Variants in TMEM132D observed in about 807,000 individuals in gnomAD.
TMEM132D encodes transmembrane protein 132D.
Under a neutral mutation model 62.3 loss-of-function variants are expected in TMEM132D, and 21 were observed. The ratio of observed to expected loss-of-function variants is 0.34; its 90% CI spans 0.24 to 0.49. The LOEUF is 0.49. TMEM132D is among the 20% of genes least tolerant of loss of function. The probability of loss-of-function intolerance (pLI) is 0.99; values close to 1 mark genes in which losing one functional copy is unlikely to be tolerated. For synonymous variants in TMEM132D, 621 were observed against 575.6 expected, an observed-to-expected ratio of 1.08 and a Z score of -1.13; for missense variants, 1,346 against 1,402.8, an observed-to-expected ratio of 0.96 and a Z score of 0.65.
chr12:129,389,417 TAAC>T lies in TMEM132D; in HGVS notation c.1116-51603_1116-51601del, dbSNP rs540660832. On this transcript the variant is annotated intron_variant, in intron 3 of 8. Transcript: ENST00000422113. ...CTAAGTGGAACACCCACATCAATACTAACAACAATACCAACACTAACACCAATC... is the reference window on the plus strand; with the variant it reads ...CTAAGTGGAACACCCACATCAATACTAACAATACCAACACTAACACCAATC... Among the ~76,000 whole-genome samples, 280 of 151,848 alleles carry T rather than the reference TAAC, an allele frequency of 1.8e-3. 2 individuals are homozygous for T. The highest frequency in any genetic ancestry group is 6.5e-3 in the African/African-American group (268 of 41,378).
intron 2 of TMEM132D, among the ~76,000 whole-genome samples, chr12:129,647,400 C>T (rs532737964): frequency 1.1e-4 from 17 of 152,128 alleles, no homozygotes; most frequent in South Asian, 2.1e-4. Context: ...GCCTTCCTCA[C>T]GACAATCAGT....
intron 3 of TMEM132D, among the ~76,000 whole-genome samples, chr12:129,502,321 G>T (rs1230568838): frequency 1.3e-5 from 2 of 152,074 alleles, no homozygotes; most frequent in Non-Finnish European, 2.9e-5. Flanking sequence ...CTTAATCCAA[G>T]TTCGCTACCA....
intron 5 of TMEM132D, among the ~76,000 whole-genome samples, chr12:129,182,501 A>T (rs1384487501): frequency 6.6e-6 from 1 of 152,242 alleles, no homozygotes; most frequent in East Asian, 1.9e-4. Context: ...AGACAGACTC[A>T]GGAAGAGTGG....
intron 1 of TMEM132D, among the ~76,000 whole-genome samples, chr12:129,798,118 C>T (rs751346416): frequency 4.6e-5 from 7 of 152,214 alleles, no homozygotes; most frequent in Non-Finnish European, 8.8e-5. Context: ...CCATTCCCCT[C>T]CTGCCATGAC....
At chr12:129,117,810 G>A (rs763969008) in intron 5 of TMEM132D, among the ~76,000 whole-genome samples, 4 of 152,088 alleles carry the variant, frequency 2.6e-5, no homozygotes, top group South Asian at 2.1e-4. Flanking sequence ...CATATTTTAC[G>A]AATGTTTCAT....
At chr12:129,544,684 T>C (rs974379705) in intron 2 of TMEM132D, among the ~76,000 whole-genome samples, 1 of 151,878 alleles carries the variant, frequency 6.6e-6, no homozygotes, top group Non-Finnish European at 1.5e-5. Context: ...TTTTTAAAGA[T>C]AACTTTTCAG....
chr12:129,351,299 C>T (rs910888946), intron 3 of TMEM132D, among the ~76,000 whole-genome samples: 4 of 152,304 alleles, frequency 2.6e-5, no homozygotes, highest in South Asian at 2.1e-4. Context: ...GTGACAAAAA[C>T]GGGCATCTCA....
chr12:129,369,415 G>T (rs1338326076), intron 3 of TMEM132D, among the ~76,000 whole-genome samples: 2 of 151,784 alleles, frequency 1.3e-5, no homozygotes, highest in African/African-American at 2.4e-5. Context: ...TGTATTCACA[G>T]TCGGACACCT....
intron 2 of TMEM132D, among the ~76,000 whole-genome samples, chr12:129,613,386 C>T (rs1424820662): frequency 2.0e-5 from 3 of 152,276 alleles, no homozygotes; most frequent in Non-Finnish European, 4.4e-5. Context: ...CTGCTCCATC[C>T]TCATGCAAAC....
rs142398616 is a variant in TMEM132D at position 129,860,572 on chromosome 12, T to C, written c.79+42689A>G. Among the ~76,000 whole-genome samples the C allele has an allele frequency of 3.3e-4, 51 of 152,376 alleles. No homozygotes were observed. The East Asian group carries it at 8.9e-3, about 26-fold the overall frequency. The stretch of plus-strand genomic sequence containing the variant: ...ATGTATGCATAAATATATATACATA[T>C]GTGCGTATATATATAAAACTTCTCA... On this transcript the variant is annotated intron_variant, in intron 1 of 8. Transcript: ENST00000422113.
intron 5 of TMEM132D, among the ~76,000 whole-genome samples, chr12:129,179,127 C>T (rs1050191659): frequency 1.3e-5 from 2 of 152,002 alleles, no homozygotes; most frequent in African/African-American, 4.8e-5. Flanking sequence ...GTAGAACTGC[C>T]CATCAGCGTA....
At chr12:129,218,247 A>G (rs74368470) in intron 4 of TMEM132D, among the ~76,000 whole-genome samples, 3,129 of 152,262 alleles carry the variant, frequency 0.021, 208 homozygotes, top group East Asian at 0.18. Flanking sequence ...TTAGGTAGTG[A>G]GAATCAGTTT....
chr12:129,694,957 G>A (rs755440827), intron 2 of TMEM132D, among the ~76,000 whole-genome samples: 16 of 152,138 alleles, frequency 1.1e-4, no homozygotes, highest in South Asian at 4.1e-4. Context: ...GCAGTGAGCC[G>A]AGACCACGCC....
intron 2 of TMEM132D, among the ~76,000 whole-genome samples, chr12:129,562,145 T>C (rs561230299): frequency 1.3e-5 from 2 of 152,340 alleles, no homozygotes; most frequent in South Asian, 4.1e-4. Flanking sequence ...GGGCTTCAGC[T>C]AAACAAGGAT....
intron 2 of TMEM132D, among the ~76,000 whole-genome samples, chr12:129,651,953 C>G (rs1879939685): frequency 6.6e-6 from 1 of 152,104 alleles, no homozygotes; most frequent in Non-Finnish European, 1.5e-5. Flanking sequence ...TTCTGACAAC[C>G]TACTTAGAAG....
At chr12:129,675,013 A>T (rs1214849429) in intron 2 of TMEM132D, among the ~76,000 whole-genome samples, 1 of 152,186 alleles carries the variant, frequency 6.6e-6, no homozygotes, top group Non-Finnish European at 1.5e-5. Flanking sequence ...TCTCAACAGC[A>T]TCTAGAAAAT....
At chr12:129,266,869 G>A (rs184753526) in intron 4 of TMEM132D, among the ~76,000 whole-genome samples, 1 of 152,150 alleles carries the variant, frequency 6.6e-6, no homozygotes, top group East Asian at 1.9e-4. Flanking sequence ...ATCTCACCTG[G>A]GTAAGCAAAT....
At chr12:129,080,439 T>C (rs902575705) in intron 7 of TMEM132D, among the ~76,000 whole-genome samples, 37 of 152,212 alleles carry the variant, frequency 2.4e-4, no homozygotes, top group Admixed American at 2.2e-3. Context: ...TAGAGATCAT[T>C]AGAGCATGCG....
chr12:129,257,859 C>T (rs1485940473), intron 4 of TMEM132D, among the ~76,000 whole-genome samples: 1 of 152,116 alleles, frequency 6.6e-6, no homozygotes, highest in East Asian at 1.9e-4. Flanking sequence ...AATAGCAGAC[C>T]CTAGTGACAT....
Sources: allele counts gnomAD v4.1 joint callset (sites outside exome capture counted in the v4.1 genomes callset), GRCh38; gene constraint gnomAD v4.1.1; transcripts MANE v1.5; gene names NCBI Gene and HGNC (gene_info 2026-07-23, HGNC 2026-07-21).